KIN: variants seen among roughly 807,000 people sequenced by gnomAD.
KIN encodes the protein DNA/RNA-binding protein KIN17.
Under a neutral mutation model 63.0 loss-of-function variants are expected in KIN, and 47 were observed. The ratio of observed to expected loss-of-function variants is 0.75; its 90% confidence interval spans 0.59 to 0.95. The LOEUF is 0.95. Ranked by LOEUF, KIN falls within the 40% of genes least tolerant of loss-of-function variation. KIN has a pLI of 0.00. For synonymous variants in KIN, 160 were observed against 157.7 expected (o/e 1.01, Z -0.11); for missense variants, 408 against 460.9 (o/e 0.89, Z 1.05).
At chr10:7,783,308 ACTACT>A (rs1488054260) in intron 1 of KIN, 133 bp from the exon 2 acceptor site, 33 of 441,776 alleles carry the variant, frequency 7.5e-5, no homozygotes, top group African/African-American at 5.5e-4. Flanking sequence ...ATTAGCTGTA[ACTACT>A]CTATCAGGTT....
chr10:7,753,768 A>G lies in KIN; in HGVS notation c.*2312T>C. ...TAATGTGCTGTCAGGTTACTTTGGA[A>G]AAACCTTAATTCATCCCTGAGGAAC... On this transcript the variant is annotated 3_prime_UTR_variant, in exon 13 of 13. Transcript: ENST00000379562. The G allele has an allele frequency of 5.2e-6, 1 of 190,764 alleles. No individual in the cohort carries two copies. The highest frequency in any genetic ancestry group is 8.3e-5 in the South Asian group (1 of 12,098). The allele number at this position is 190,764 out of a possible 1,614,324, so 11.8% of individuals were successfully genotyped here. A position where few individuals can be genotyped will look rare whatever the true frequency, so the allele number is the denominator to read the frequency against.
rs1482414611 is a variant in KIN, at chr10:7,753,901, C to T, written c.*2179G>A. The T allele has an allele frequency of 2.3e-5, 8 of 348,394 alleles. No homozygotes were observed. The highest frequency in any genetic ancestry group is 1.7e-4 in the East Asian group (2 of 11,716). 21.6% of individuals were successfully genotyped at this position (348,394 alleles called of 1,614,324 possible). A position where few individuals can be genotyped will look rare whatever the true frequency, so the allele number is the denominator to read the frequency against. ...ATCTTCTGAGAATAGAAGCAATCAG[C>T]CCTCCCTGACTCTCAGTTAAAGAGA... On this transcript the variant is annotated 3_prime_UTR_variant, in exon 13 of 13. Coordinates refer to ENST00000379562, the MANE Select transcript of KIN (RefSeq NM_012311.4).
intron 6 of KIN, among the ~76,000 whole-genome samples, 194 bp downstream of exon 6, chr10:7,775,556 GT>G (rs1389173597): frequency 1.3e-5 from 2 of 152,122 alleles, no homozygotes; most frequent in East Asian, 3.8e-4. Context: ...ATTGTAGTCA[GT>G]TTTGTTACTT....
intron 5 of KIN, among the ~76,000 whole-genome samples, chr10:7,776,589 G>A (rs11255356): frequency 0.33 from 50,384 of 150,866 alleles, 8,854 homozygotes; most frequent in East Asian, 0.48. Flanking sequence ...AAATTAGCCC[G>A]GCATGGTGGC....
chr10:7,775,698 C>T, intron 6 of KIN, 53 bp downstream of exon 6: 1 of 939,416 alleles, frequency 1.1e-6, no homozygotes, highest in Non-Finnish European at 1.6e-6. Context: ...TTTAACAAAG[C>T]CAATATAAAA....
chr10:7,757,740 T>C (rs1835359935), intron 12 of KIN, among the ~76,000 whole-genome samples: 1 of 152,116 alleles, frequency 6.6e-6, no homozygotes, highest in African/African-American at 2.4e-5. Context: ...GGTTAGATTT[T>C]TCATTATCAT....
chr10:7,786,798 T>A (rs534857495), intron 1 of KIN, among the ~76,000 whole-genome samples: 2 of 152,292 alleles, frequency 1.3e-5, no homozygotes, highest in South Asian at 2.1e-4. Context: ...CTGCACTTTA[T>A]ATGGCAGTCC....
intron 12 of KIN, among the ~76,000 whole-genome samples, chr10:7,759,033 T>A (rs190908464): frequency 3.3e-5 from 5 of 152,026 alleles, no homozygotes; most frequent in Non-Finnish European, 7.4e-5. Flanking sequence ...ACACATATTC[T>A]CTAACAGGTC....
chr10:7,759,671 T>G (rs1178313966), intron 12 of KIN, among the ~76,000 whole-genome samples: 1 of 152,012 alleles, frequency 6.6e-6, no homozygotes, highest in Non-Finnish European at 1.5e-5. Context: ...TTATGTTTTT[T>G]GGGGTTTTAT....
intron 7 of KIN, among the ~76,000 whole-genome samples, chr10:7,774,294 T>G (rs1007720118): frequency 6.6e-6 from 1 of 152,210 alleles, no homozygotes; most frequent in South Asian, 2.1e-4. Flanking sequence ...TGATAATCTC[T>G]ATTCTCAGAA....
At chr10:7,775,964 C>G (rs1202153350) in intron 5 of KIN, among the ~76,000 whole-genome samples, 165 bp from the exon 6 acceptor site, 1 of 152,096 alleles carries the variant, frequency 6.6e-6, no homozygotes, top group African/African-American at 2.4e-5. Flanking sequence ...CGCGGTGGCT[C>G]ACACCTGTAA....
rs1224592807 is a variant in KIN at position 7,758,593 on chromosome 10, TC to T, written c.1119+1296del. On this transcript the variant is annotated intron_variant, in intron 12 of 12. Coordinates refer to ENST00000379562, the MANE Select transcript of KIN (RefSeq NM_012311.4). ...CAACAGTAATCAGTTGTTTTGTGTT[TC>T]CCTGAGATGAAAACATGAAACAGGA... Among the ~76,000 whole-genome samples the T allele has an allele frequency of 2.6e-5, 4 of 151,848 alleles. No individual in the cohort carries two copies. In the East Asian group the frequency reaches 7.8e-4, roughly 29 times the overall value.
chr10:7,777,791 T>C (rs1835808955), intron 5 of KIN, among the ~76,000 whole-genome samples: 1 of 151,770 alleles, frequency 6.6e-6, no homozygotes, highest in South Asian at 2.1e-4. Context: ...CCCAGCTACT[T>C]GGGAGGCTGA....
intron 12 of KIN, among the ~76,000 whole-genome samples, chr10:7,758,063 T>G (rs1271417935): frequency 2.7e-5 from 4 of 149,240 alleles, no homozygotes; most frequent in Admixed American, 2.0e-4. Context: ...AAAAAAAAAT[T>G]AGGAGACAGA....
chr10:7,777,764 T>G (rs1338551419), intron 5 of KIN, among the ~76,000 whole-genome samples: 1 of 152,168 alleles, frequency 6.6e-6, no homozygotes, highest in Non-Finnish European at 1.5e-5. Context: ...CTGGGCATGG[T>G]GGCTTGTGCC....
intron 7 of KIN, among the ~76,000 whole-genome samples, chr10:7,773,329 T>C (rs531499439): frequency 8.5e-5 from 13 of 152,290 alleles, no homozygotes; most frequent in African/African-American, 3.1e-4. Flanking sequence ...AGAAAACTAA[T>C]ACAAGGGAGG....
At chr10:7,781,587 T>TACATACAC (rs1554771214) in intron 2 of KIN, among the ~76,000 whole-genome samples, 1 of 140,628 alleles carries the variant, frequency 7.1e-6, no homozygotes, top group Non-Finnish European at 1.5e-5. Flanking sequence ...ACCCTGTCTC[T>TACATACAC]ACACACACAC....
intron 2 of KIN, among the ~76,000 whole-genome samples, chr10:7,781,493 C>T (rs1006548392): frequency 6.6e-6 from 1 of 151,840 alleles, no homozygotes; most frequent in Non-Finnish European, 1.5e-5. Flanking sequence ...TGGCTCATAC[C>T]TGTAATCCCA....
intron 7 of KIN, among the ~76,000 whole-genome samples, chr10:7,770,726 GATAA>G (rs1835649984): frequency 1.3e-5 from 2 of 152,064 alleles, no homozygotes; most frequent in East Asian, 1.9e-4. Flanking sequence ...TGAAGCAAAG[GATAA>G]ATATTTACAC....
Sources: gnomAD v4.1 joint callset for allele counts (sites outside exome capture counted in the v4.1 genomes callset) on GRCh38, gnomAD v4.1.1 for gene constraint, MANE v1.5 for transcripts, NCBI Gene and HGNC (gene_info 2026-07-23, HGNC 2026-07-21) for gene names.